Variants in AFG2A observed in about 807,000 individuals in gnomAD.
AFG2A encodes AAA ATPase AFG2A, also known as ATPase family gene 2 protein homolog A.
the AFG2A span, among the ~76,000 whole-genome samples, chr4:123,282,805 G>T: frequency 3.4e-5 from 5 of 149,024 alleles, no homozygotes; most frequent in Non-Finnish European, 7.4e-5. Flanking sequence ...GAAAGAAGCA[G>T]GGGGGAGAAA....
chr4:123,084,284 T>A, the AFG2A span, among the ~76,000 whole-genome samples: 1 of 151,988 alleles, frequency 6.6e-6, no homozygotes, highest in Non-Finnish European at 1.5e-5. Flanking sequence ...TTTTCTCTTT[T>A]GACTTCCTAT....
At chr4:123,150,595 C>A in the AFG2A span, among the ~76,000 whole-genome samples, 1 of 151,912 alleles carries the variant, frequency 6.6e-6, no homozygotes, top group South Asian at 2.1e-4. Context: ...AACTACAAAC[C>A]ACTGCTCAAG....
At chr4:123,198,701 G>A in the AFG2A span, among the ~76,000 whole-genome samples, 1 of 152,122 alleles carries the variant, frequency 6.6e-6, no homozygotes, top group African/African-American at 2.4e-5. Flanking sequence ...CCAATGATTA[G>A]GACCATTAAA....
the AFG2A span, among the ~76,000 whole-genome samples, chr4:123,187,364 C>T: frequency 6.6e-6 from 1 of 152,110 alleles, no homozygotes; most frequent in South Asian, 2.1e-4. Flanking sequence ...ATGGCTGAAA[C>T]CACTTATAAA....
the AFG2A span, among the ~76,000 whole-genome samples, chr4:123,271,627 T>A: frequency 6.6e-6 from 1 of 152,176 alleles, no homozygotes; most frequent in Non-Finnish European, 1.5e-5. Context: ...GGTTCATGGC[T>A]TGTAGGATGT....
At chr4:122,964,004 T>C in the AFG2A span, among the ~76,000 whole-genome samples, 21 of 152,156 alleles carry the variant, frequency 1.4e-4, no homozygotes, top group Non-Finnish European at 2.6e-4. Context: ...CTTCAGCTTC[T>C]CTTGGCATAC....
chr4:122,968,572 A>T, the AFG2A span, among the ~76,000 whole-genome samples: 1,834 of 152,310 alleles, frequency 0.012, 42 homozygotes, highest in African/African-American at 0.041. Flanking sequence ...TTTATTCTGC[A>T]TAGCAGGAGT....
At chr4:123,046,432 T>G in the AFG2A span, among the ~76,000 whole-genome samples, 5 of 152,234 alleles carry the variant, frequency 3.3e-5, no homozygotes, top group Non-Finnish European at 5.9e-5. Flanking sequence ...TACTTATGAT[T>G]GCAATTATAC....
the AFG2A span, among the ~76,000 whole-genome samples, chr4:123,084,693 A>G: frequency 6.6e-6 from 1 of 151,846 alleles, no homozygotes; most frequent in Non-Finnish European, 1.5e-5. Flanking sequence ...CAGTGGTGCG[A>G]TCACAGCTCA....
chr4:123,050,775 C>T, the AFG2A span, among the ~76,000 whole-genome samples: 5 of 147,706 alleles, frequency 3.4e-5, no homozygotes, highest in South Asian at 2.1e-4. Flanking sequence ...CTCGCTCTTT[C>T]GCCCTTTCGC....
At chr4:123,084,739 C>T in the AFG2A span, among the ~76,000 whole-genome samples, 1 of 152,050 alleles carries the variant, frequency 6.6e-6, no homozygotes, top group Admixed American at 6.6e-5. Context: ...AGTGATCCTC[C>T]TGTCTCAGCC....
chr4:123,018,051 GATC>G, the AFG2A span, among the ~76,000 whole-genome samples: 1 of 151,984 alleles, frequency 6.6e-6, no homozygotes, highest in Middle Eastern at 3.4e-3. Flanking sequence ...TTTTTAACCT[GATC>G]ATCAAGTTCC....
chr4:123,262,068 G>A, the AFG2A span, among the ~76,000 whole-genome samples: 1 of 152,282 alleles, frequency 6.6e-6, no homozygotes, highest in East Asian at 1.9e-4. Flanking sequence ...GAGCCACTGT[G>A]TCTGGCCTCT....
chr4:122,988,383 A>G, the AFG2A span, among the ~76,000 whole-genome samples: 1 of 139,298 alleles, frequency 7.2e-6, no homozygotes, highest in Non-Finnish European at 1.5e-5. Flanking sequence ...AGATTTGGGA[A>G]ATTTTCTGTC....
the AFG2A span, among the ~76,000 whole-genome samples, chr4:122,959,292 A>G: frequency 1.3e-5 from 2 of 152,240 alleles, no homozygotes; most frequent in East Asian, 1.9e-4. Flanking sequence ...GTGCTCTTCC[A>G]AACTATCATT....
the AFG2A span, among the ~76,000 whole-genome samples, chr4:123,133,652 C>A: frequency 1.1e-4 from 16 of 152,076 alleles, no homozygotes; most frequent in African/African-American, 3.6e-4. Flanking sequence ...GTTTTTACTT[C>A]TTTGGGTAAC....
the AFG2A span, among the ~76,000 whole-genome samples, chr4:122,975,637 A>T: frequency 6.6e-6 from 1 of 152,246 alleles, no homozygotes; most frequent in East Asian, 1.9e-4. Context: ...GAGCCTTTAT[A>T]GGCTTGCATC....
chr4:122,951,433 TAC>T, the AFG2A span, among the ~76,000 whole-genome samples: 1,103 of 148,548 alleles, frequency 7.4e-3, 16 homozygotes, highest in African/African-American at 0.024. Flanking sequence ...TTTTCCAAAG[TAC>T]ACACACACAC....
At chr4:123,082,206 A>G in the AFG2A span, among the ~76,000 whole-genome samples, 13 of 152,088 alleles carry the variant, frequency 8.5e-5, no homozygotes, top group African/African-American at 3.1e-4. Flanking sequence ...TCATTTCCAT[A>G]CCCAAGGTCA....
Sources: allele counts gnomAD v4.1 joint callset (sites outside exome capture counted in the v4.1 genomes callset), GRCh38; gene constraint gnomAD v4.1.1; transcripts MANE v1.5; gene names NCBI Gene and HGNC (gene_info 2026-07-23, HGNC 2026-07-21).